The following KLHL1 variants were observed in gnomAD, a reference collection of about 807,000 sequenced individuals.
The protein encoded by KLHL1 is kelch-like protein 1.
KLHL1 carries 47 observed loss-of-function variants against 77.7 expected under a neutral mutation model. The ratio of observed to expected loss-of-function variants is 0.60; its 90% confidence interval spans 0.48 to 0.77. The LOEUF (loss-of-function observed/expected upper bound fraction) is 0.77. Among genes scored for constraint, KLHL1 ranks in the 30% least tolerant of loss-of-function variants. The pLI, the probability that KLHL1 is intolerant of heterozygous loss-of-function variation, is 0.00. For missense variants in KLHL1, 925 were observed against 910.8 expected (o/e 1.02, Z -0.20); for synonymous variants, 360 against 325.2 (o/e 1.11, Z -1.15).
At chr13:69,720,019 G>T (rs1300505435) in intron 8 of KLHL1, among the ~76,000 whole-genome samples, 1 of 151,960 alleles carries the variant, frequency 6.6e-6, no homozygotes, top group Non-Finnish European at 1.5e-5. Flanking sequence ...CCTGCACCTT[G>T]TGTTCCATCC....
At chr13:69,991,711 G>A (rs181355089) in intron 1 of KLHL1, among the ~76,000 whole-genome samples, 65 of 151,500 alleles carry the variant, frequency 4.3e-4, no homozygotes, top group Non-Finnish European at 6.0e-4. Context: ...TGGATTCACA[G>A]TCAAATTCTA....
chr13:69,739,662 A>AT (rs1169266914), intron 8 of KLHL1, among the ~76,000 whole-genome samples: 1 of 152,230 alleles, frequency 6.6e-6, no homozygotes, highest in Non-Finnish European at 1.5e-5. Flanking sequence ...CTTGAAGAGG[A>AT]TTGACATATT....
chr13:69,750,402 TAAAC>T (rs1051191987), intron 7 of KLHL1, among the ~76,000 whole-genome samples: 1 of 151,682 alleles, frequency 6.6e-6, no homozygotes, highest in Non-Finnish European at 1.5e-5. Context: ...TGCAATGAAT[TAAAC>T]AAAATAACTT....
intron 1 of KLHL1, among the ~76,000 whole-genome samples, chr13:70,025,232 T>C (rs1885911258): frequency 6.6e-6 from 1 of 152,048 alleles, no homozygotes; most frequent in African/African-American, 2.4e-5. Flanking sequence ...GTTTTCAATG[T>C]ATGTTTTAAA....
chr13:70,048,425 G>A (rs951448303), intron 1 of KLHL1, among the ~76,000 whole-genome samples: 2 of 152,184 alleles, frequency 1.3e-5, no homozygotes, highest in Non-Finnish European at 2.9e-5. Flanking sequence ...TGGTAAGCAA[G>A]GACATCATTC....
intron 4 of KLHL1, among the ~76,000 whole-genome samples, chr13:69,905,649 A>C (rs1285499796): frequency 6.6e-6 from 1 of 152,088 alleles, no homozygotes; most frequent in African/African-American, 2.4e-5. Flanking sequence ...TTCATGCTTT[A>C]AGTTTTTAAG....
intron 8 of KLHL1, among the ~76,000 whole-genome samples, chr13:69,730,527 A>G (rs1260809844): frequency 6.6e-6 from 1 of 152,090 alleles, no homozygotes; most frequent in Non-Finnish European, 1.5e-5. Flanking sequence ...GCTTTCCTCT[A>G]TTATCCTCTA....
At chr13:70,045,543 T>C (rs1276967432) in intron 1 of KLHL1, among the ~76,000 whole-genome samples, 3 of 150,762 alleles carry the variant, frequency 2.0e-5, no homozygotes, top group Admixed American at 6.7e-5. Context: ...ATACATATTA[T>C]AATTTTCATA....
At chr13:70,076,645 G>T (rs929370084) in intron 1 of KLHL1, among the ~76,000 whole-genome samples, 12 of 151,866 alleles carry the variant, frequency 7.9e-5, no homozygotes, top group African/African-American at 2.4e-4. Flanking sequence ...AATTTTGTAA[G>T]TTGGACTTAA....
chr13:69,833,994 T>TA (rs2138099482), intron 6 of KLHL1, among the ~76,000 whole-genome samples: 1 of 151,960 alleles, frequency 6.6e-6, no homozygotes, highest in African/African-American at 2.4e-5. Context: ...ATGGAAAACC[T>TA]AAAATCGTAT....
intron 1 of KLHL1, among the ~76,000 whole-genome samples, chr13:70,072,531 G>A (rs893550321): frequency 4.6e-5 from 7 of 152,028 alleles, no homozygotes; most frequent in African/African-American, 1.7e-4. Context: ...AGATATGTGC[G>A]AAATCCTCAA....
intron 1 of KLHL1, among the ~76,000 whole-genome samples, chr13:69,985,592 A>T (rs543309908): frequency 6.6e-6 from 1 of 151,502 alleles, no homozygotes; most frequent in African/African-American, 2.4e-5. Context: ...GACTCTTAAG[A>T]AAAAACAGAC....
intron 6 of KLHL1, among the ~76,000 whole-genome samples, chr13:69,837,316 A>G (rs978965320): frequency 2.0e-5 from 3 of 151,666 alleles, no homozygotes; most frequent in Non-Finnish European, 2.9e-5. Context: ...GTGTTTAATA[A>G]TAGGGTTAAG....
intron 4 of KLHL1, among the ~76,000 whole-genome samples, chr13:69,895,519 G>A (rs1044481545): frequency 6.6e-6 from 1 of 152,070 alleles, no homozygotes; most frequent in African/African-American, 2.4e-5. Flanking sequence ...TATTGCTGCT[G>A]TAACAAATCA....
rs1409628821 is a variant in KLHL1 at position 70,107,957 on chromosome 13, G to T, written c.-258C>A. ...ACACCACCAGGCAGGAGCAGAGGCA[G>T]GACTGGGACGCCAAAAGCTGAGAAT... On this transcript the variant is annotated 5_prime_UTR_variant, in exon 1 of 11. In the 5' UTR this introduces an upstream ATG that the reference lacks. Coordinates refer to ENST00000377844, the MANE Select transcript of KLHL1 (RefSeq NM_020866.3). 6.6e-6 allele frequency: 3 copies of T among 451,992 alleles called. No homozygotes were observed. The allele number at this position is 451,992 out of a possible 1,614,324, so 28.0% of individuals were successfully genotyped here.
intron 2 of KLHL1, 33 bp from the exon 3 acceptor site, chr13:69,961,477 G>A (rs1884063600): frequency 1.2e-6 from 2 of 1,610,418 alleles, no homozygotes; most frequent in Non-Finnish European, 1.7e-6. Context: ...TTTAGGTCGT[G>A]AATGTAAGGC....
intron 6 of KLHL1, among the ~76,000 whole-genome samples, chr13:69,802,546 G>T (rs1274441328): frequency 6.6e-6 from 1 of 152,018 alleles, no homozygotes; most frequent in Non-Finnish European, 1.5e-5. Context: ...CACACCCTGG[G>T]ACTGGTAGTT....
Position 69,830,134 on chromosome 13 carries a change from A to C in KLHL1, c.1414+8842T>G, listed in dbSNP as rs560694519. On this transcript the variant is annotated intron_variant, in intron 6 of 10. Transcript: ENST00000377844. ...TATTAACATTGAATGTAAATGGCCT[A>C]AATGCCCCACATAAAAAATACGGAA... is the stretch of plus-strand genomic sequence containing the variant. Among the ~76,000 whole-genome samples, 7 of 150,372 alleles carry C rather than the reference A, an allele frequency of 4.7e-5. No individual in the cohort carries two copies. In the South Asian group the frequency reaches 1.5e-3, roughly 31 times the overall value.
chr13:69,900,752 T>G (rs1346433013), intron 4 of KLHL1, among the ~76,000 whole-genome samples: 1 of 152,226 alleles, frequency 6.6e-6, no homozygotes, highest in African/African-American at 2.4e-5. Flanking sequence ...ATTCCTTTCC[T>G]TTTATCCCAT....
Sources: allele counts gnomAD v4.1 joint callset (sites outside exome capture counted in the v4.1 genomes callset), GRCh38; gene constraint gnomAD v4.1.1; transcripts MANE v1.5; gene names NCBI Gene and HGNC (gene_info 2026-07-23, HGNC 2026-07-21).